Variants in NLRP8 observed in about 807,000 individuals in gnomAD.
NLRP8 encodes NACHT, LRR and PYD domains-containing protein 8.
Under a neutral mutation model 88.7 loss-of-function variants are expected in NLRP8, and 86 were observed. That is an observed-to-expected ratio of 0.97 (90% CI 0.81 to 1.16). The LOEUF is 1.16. Ranked by LOEUF, NLRP8 falls within the 50% of genes most tolerant of loss-of-function variation. The pLI is 0.00. For synonymous variants in NLRP8, 504 were observed against 494.6 expected, an observed-to-expected ratio of 1.02 and a Z score of -0.25; for missense variants, 1,342 against 1,286.5, an observed-to-expected ratio of 1.04 and a Z score of -0.66.
intron 9 of NLRP8, among the ~76,000 whole-genome samples, chr19:55,984,759 C>T (rs1006767232): frequency 6.6e-6 from 1 of 151,724 alleles, no homozygotes; most frequent in Non-Finnish European, 1.5e-5. Context: ...ATCACTTCAG[C>T]CCAGGAGTTC....
intron 4 of NLRP8, 151 bp from the exon 5 acceptor site, chr19:55,966,062 A>G: frequency 1.6e-6 from 1 of 642,332 alleles, no homozygotes; most frequent in South Asian, 2.2e-5. Flanking sequence ...GTCACTCTTT[A>G]ATGTCTGCAT....
rs577097331 is a variant in NLRP8, at chr19:55,952,584, A to G, written c.414A>G (p.Thr138=). The change falls in exon 2 of 10, where the codon ACA becomes ACG. Residue 138 remains threonine, a synonymous_variant. Coordinates refer to ENST00000291971, the MANE Select transcript of NLRP8 (RefSeq NM_176811.2). ...CAGAGGACTTGAATGTGGGAGAAACACAGGTGAATCTGGAGGAAGGAGAAT... is the reference window on the plus strand; with the variant it reads ...CAGAGGACTTGAATGTGGGAGAAACGCAGGTGAATCTGGAGGAAGGAGAAT... 5.0e-6 allele frequency: 8 copies of G among 1,614,100 alleles called. No individual in the cohort carries two copies. In the African/African-American group the frequency reaches 1.1e-4, roughly 22 times the overall value.
At position 55,949,676 on chromosome 19, in the gene NLRP8, A is replaced by G. The variant is rs896059111; in HGVS notation, c.367+1407A>G. On this transcript the variant is annotated intron_variant, in intron 1 of 9. Coordinates refer to ENST00000291971, the MANE Select transcript of NLRP8 (RefSeq NM_176811.2). Reference sequence around the variant, plus strand: ...TTAAAGGAAAATACACCAATCCAGAAACATGATAGGAGCTGTGAACCCGCC... The same window carrying G: ...TTAAAGGAAAATACACCAATCCAGAGACATGATAGGAGCTGTGAACCCGCC... Among the ~76,000 whole-genome samples, 13 of 152,322 alleles carry G rather than the reference A, an allele frequency of 8.5e-5. 1 individual carries two copies. Among genetic ancestry groups the G allele is most frequent in the East Asian group, 5.8e-4 (3 of 5,182 alleles).
intron 5 of NLRP8, among the ~76,000 whole-genome samples, chr19:55,968,479 G>A (rs1163689720): frequency 6.6e-6 from 1 of 151,148 alleles, no homozygotes; most frequent in South Asian, 2.1e-4. Flanking sequence ...GGTGGCTCAC[G>A]CCTGTAATCC....
chr19:55,970,614 C>CTAAA lies in NLRP8; in HGVS notation c.2453_2456dup (p.Lys819AsnfsTer40). ...CAATAATCTTCAAGGTAACGGGCAT[C>CTAAA]TAAAGACTCTCATACTAAGAAAAAA... On this transcript the variant is annotated frameshift_variant, in exon 6 of 10. Transcript: ENST00000291971. LOFTEE classifies it high-confidence loss of function. The CTAAA allele has an allele frequency of 6.2e-7, 1 of 1,614,074 alleles. No homozygotes were observed. Among genetic ancestry groups the CTAAA allele is most frequent in the Non-Finnish European group, 8.5e-7 (1 of 1,180,012 alleles).
chr19:55,982,807 A>G (rs1980627508), intron 9 of NLRP8, among the ~76,000 whole-genome samples: 1 of 152,180 alleles, frequency 6.6e-6, no homozygotes, highest in African/African-American at 2.4e-5. Flanking sequence ...TCACCTGGGC[A>G]TGATGGCGCA....
intron 3 of NLRP8, among the ~76,000 whole-genome samples, chr19:55,956,347 G>T (rs539045181): frequency 6.6e-6 from 1 of 151,948 alleles, no homozygotes; most frequent in South Asian, 2.1e-4. Flanking sequence ...GGGTTCAAGC[G>T]ATTCTCCTGC....
At chr19:55,973,184 C>T (rs1251855646) in intron 6 of NLRP8, among the ~76,000 whole-genome samples, 3 of 152,148 alleles carry the variant, frequency 2.0e-5, no homozygotes, top group African/African-American at 7.2e-5. Flanking sequence ...TTTCAATTTG[C>T]AGTTCCCTGA....
At position 55,952,540 on chromosome 19, in the gene NLRP8, A is replaced by T. The variant is rs1280921279; in HGVS notation, c.370A>T (p.Ile124Phe). Reference sequence around the variant, plus strand: ...CAGCCTCCTTTTTTCTGTTACAGCCATTCTGCCTACCTTGGAACCAGAGGA... The same window carrying T: ...CAGCCTCCTTTTTTCTGTTACAGCCTTTCTGCCTACCTTGGAACCAGAGGA... Residue 124 changes from isoleucine (I) to phenylalanine (F), a missense_variant and splice_region_variant, in exon 2 of 10, where the codon ATT (isoleucine) becomes TTT (phenylalanine). By Grantham distance (21) the Ile-to-Phe change is conservative. Coordinates refer to ENST00000291971, the MANE Select transcript of NLRP8 (RefSeq NM_176811.2). 6.2e-7 allele frequency: 1 copy of T among 1,613,570 alleles called. No individual in the cohort carries two copies. The highest frequency in any genetic ancestry group is 1.7e-5 in the Admixed American group (1 of 59,972).
At chr19:55,962,276 G>C (rs1457277472) in intron 4 of NLRP8, 39 bp downstream of exon 4, 7 of 1,586,618 alleles carry the variant, frequency 4.4e-6, no homozygotes, top group Non-Finnish European at 6.0e-6. Flanking sequence ...GAACTTTATG[G>C]AGATGGTCTG....
chr19:55,972,922 CAT>C (rs111600111), intron 6 of NLRP8, among the ~76,000 whole-genome samples: 5,435 of 151,736 alleles, frequency 0.036, 311 homozygotes, highest in African/African-American at 0.12. Flanking sequence ...CTGCTATAAA[CAT>C]GTGTGTGTAA....
rs757000130 is a variant in NLRP8 at position 55,987,859 on chromosome 19, TCACC to T, written c.3099_3102del (p.Pro1034ThrfsTer26). On this transcript the variant is annotated frameshift_variant, in exon 10 of 10. Coordinates refer to ENST00000291971, the MANE Select transcript of NLRP8 (RefSeq NM_176811.2). LOFTEE classifies it low-confidence loss of function (END_TRUNC). ...GAATAACTAGCTTCTCCCCAACTCC[TCACC>T]CACCCGACTTCACGGGAAAAAGTGA... The T allele has an allele frequency of 6.2e-7, 1 of 1,614,004 alleles. No individual in the cohort carries two copies. Among genetic ancestry groups the T allele is most frequent in the Non-Finnish European group, 8.5e-7 (1 of 1,179,962 alleles).
rs534169156 is a variant in NLRP8 at position 55,984,257 on chromosome 19, C to T, written c.3048-3557C>T. Among the ~76,000 whole-genome samples the T allele has an allele frequency of 2.0e-4, 31 of 152,274 alleles. No individual in the cohort carries two copies. The East Asian group carries it at 4.2e-3, about 21-fold the overall frequency. On this transcript the variant is annotated intron_variant, in intron 9 of 9. Transcript: ENST00000291971. ...ATTAGTAAGATCCCACACACAACAA[C>T]TCGATATATGAAAATAAAATGTATT...
chr19:55,979,599 C>A, intron 9 of NLRP8, 35 bp downstream of exon 9: 1 of 1,610,778 alleles, frequency 6.2e-7, no homozygotes, highest in South Asian at 1.1e-5. Flanking sequence ...GCAAAACCTA[C>A]CACACAAGAG....
At chr19:55,958,112 C>G (rs779114915) in intron 3 of NLRP8, among the ~76,000 whole-genome samples, 1 of 152,086 alleles carries the variant, frequency 6.6e-6, no homozygotes, top group Non-Finnish European at 1.5e-5. Context: ...ATTTGACCCC[C>G]GTGGCTATGA....
At chr19:55,986,735 G>A (rs1179717205) in intron 9 of NLRP8, among the ~76,000 whole-genome samples, 1 of 152,200 alleles carries the variant, frequency 6.6e-6, no homozygotes, top group East Asian at 1.9e-4. Flanking sequence ...CGCCACGTGG[G>A]CGTGGAGCTG....
chr19:55,954,684 A>G lies in NLRP8; in HGVS notation c.626A>G (p.Gln209Arg). 6.2e-7 allele frequency: 1 copy of G among 1,614,166 alleles called. No homozygotes were observed. Among genetic ancestry groups the G allele is most frequent in the East Asian group, 2.2e-5 (1 of 44,884 alleles). The change falls in exon 3 of 10, where the codon CAG becomes CGG. Residue 209 changes from glutamine (Q) to arginine (R), a missense_variant. Gln to Arg is a conservative substitution (Grantham distance 43). Coordinates refer to ENST00000291971, the MANE Select transcript of NLRP8 (RefSeq NM_176811.2). Reference sequence around the variant, plus strand: ...AGACAGCCCAAGACCGTGGCCATACAGGGAGCTCCTGGGATCGGAAAAACA... The same window carrying G: ...AGACAGCCCAAGACCGTGGCCATACGGGGAGCTCCTGGGATCGGAAAAACA...
chr19:55,955,600 T>C lies in NLRP8; in HGVS notation c.1542T>C (p.Phe514=). The change falls in exon 3 of 10, where the codon TTT becomes TTC. Residue 514 remains phenylalanine, a synonymous_variant. Coordinates refer to ENST00000291971, the MANE Select transcript of NLRP8 (RefSeq NM_176811.2). ...CCCTCGTGACTTTTCAGGAATTTTT[T>C]GCGGCCTTGTTTTATGTTCTCTGTT... 1 of 1,614,226 alleles carries C rather than the reference T, an allele frequency of 6.2e-7. No homozygotes were observed.
intron 8 of NLRP8, among the ~76,000 whole-genome samples, chr19:55,977,179 T>G (rs1443399692): frequency 7.2e-6 from 1 of 138,038 alleles, no homozygotes; most frequent in Admixed American, 8.1e-5. Flanking sequence ...AAGATACATA[T>G]ATACATATAT....
Sources: allele counts gnomAD v4.1 joint callset (sites outside exome capture counted in the v4.1 genomes callset), GRCh38; gene constraint gnomAD v4.1.1; transcripts MANE v1.5; gene names NCBI Gene and HGNC (gene_info 2026-07-23, HGNC 2026-07-21).